TRPM6: variants seen among roughly 807,000 people sequenced by gnomAD.
The protein encoded by TRPM6 is channel kinase 2.
Under a neutral mutation model 247.6 loss-of-function variants are expected in TRPM6, and 111 were observed. That is an observed-to-expected ratio of 0.45 (90% CI 0.38 to 0.52). The LOEUF is 0.52. Ranked by LOEUF, TRPM6 falls within the 20% of genes least tolerant of loss-of-function variation. The pLI, the probability that TRPM6 is intolerant of heterozygous loss-of-function variation, is 0.00. For synonymous variants in TRPM6, 892 were observed against 853.8 expected, an observed-to-expected ratio of 1.04 and a Z score of -0.78; for missense variants, 2,126 against 2,421.5, an observed-to-expected ratio of 0.88 and a Z score of 2.56.
intron 1 of TRPM6, among the ~76,000 whole-genome samples, chr9:74,864,704 C>T (rs76218659): frequency 0.024 from 3,683 of 152,256 alleles, 147 homozygotes; most frequent in African/African-American, 0.081. Context: ...TTCCCTAAAA[C>T]GCCATTTCTC....
chr9:74,825,173 A>T (rs1280694595), intron 7 of TRPM6, among the ~76,000 whole-genome samples: 2 of 152,078 alleles, frequency 1.3e-5, no homozygotes, highest in Non-Finnish European at 2.9e-5. Flanking sequence ...GGGGCAGGAG[A>T]ATTGTTTGAA....
intron 14 of TRPM6, among the ~76,000 whole-genome samples, chr9:74,805,364 C>T (rs1269436415): frequency 6.6e-6 from 1 of 152,172 alleles, no homozygotes; most frequent in African/African-American, 2.4e-5. Context: ...AGAACGTTTA[C>T]CACTAGATAA....
At chr9:74,834,928 TTATA>T (rs1221007083) in intron 5 of TRPM6, among the ~76,000 whole-genome samples, 1 of 152,170 alleles carries the variant, frequency 6.6e-6, no homozygotes, top group Non-Finnish European at 1.5e-5. Flanking sequence ...GTAGCATGAT[TTATA>T]ATCCTTTGGG....
chr9:74,885,819 A>C (rs1415768097), intron 1 of TRPM6, among the ~76,000 whole-genome samples: 1 of 152,170 alleles, frequency 6.6e-6, no homozygotes, highest in African/African-American at 2.4e-5. Flanking sequence ...CAGGCCTGTA[A>C]TCTTGGCACT....
intron 3 of TRPM6, among the ~76,000 whole-genome samples, chr9:74,850,162 AGGCAT>A (rs1192468528): frequency 6.6e-6 from 1 of 151,272 alleles, no homozygotes; most frequent in African/African-American, 2.4e-5. Context: ...ACTTGAGGTC[AGGCAT>A]TCAAGACCAG....
At chr9:74,763,524 G>A (rs1683084176) in intron 25 of TRPM6, among the ~76,000 whole-genome samples, 2 of 151,460 alleles carry the variant, frequency 1.3e-5, no homozygotes, top group Admixed American at 6.6e-5. Flanking sequence ...AGCAAGCACC[G>A]TACAATTTTA....
intron 1 of TRPM6, among the ~76,000 whole-genome samples, chr9:74,870,848 C>T (rs1427486782): frequency 1.3e-5 from 2 of 151,708 alleles, no homozygotes; most frequent in African/African-American, 2.4e-5. Flanking sequence ...TGCTTGAATT[C>T]GGGAGGCTTG....
At chr9:74,767,409 T>C (rs1026645698) in intron 25 of TRPM6, among the ~76,000 whole-genome samples, 1 of 152,210 alleles carries the variant, frequency 6.6e-6, no homozygotes, top group Non-Finnish European at 1.5e-5. Flanking sequence ...TGCTATGTTC[T>C]CTTTTTCCAC....
chr9:74,887,839 G>C lies in TRPM6; in HGVS notation c.18C>G (p.Val6=), dbSNP rs778651330. 1 of 1,614,138 alleles carries C rather than the reference G, an allele frequency of 6.2e-7. No individual in the cohort carries two copies. The highest frequency in any genetic ancestry group is 1.1e-5 in the South Asian group (1 of 91,080). Residue 6 remains valine, a synonymous_variant, in exon 1 of 39, where the codon GTC becomes GTG. Transcript: ENST00000360774. ...CTGAGCTTACCTGCAAGCGCTCCAAGACAGGTTGTTCTTTCATCTTTGATT... is the reference window on the plus strand; with the variant it reads ...CTGAGCTTACCTGCAAGCGCTCCAACACAGGTTGTTCTTTCATCTTTGATT... MKEQP[V]LERLQSQKSW... is the part of the protein sequence containing the mutation.
intron 5 of TRPM6, among the ~76,000 whole-genome samples, chr9:74,836,130 TC>T (rs569380021): frequency 7.8e-4 from 118 of 152,060 alleles, no homozygotes; most frequent in Non-Finnish European, 1.4e-3. Flanking sequence ...CTCATCCCTC[TC>T]CCCCCTCAGC....
chr9:74,882,065 G>C (rs1831382457), intron 1 of TRPM6, among the ~76,000 whole-genome samples: 1 of 152,052 alleles, frequency 6.6e-6, no homozygotes, highest in Admixed American at 6.6e-5. Flanking sequence ...ATGCATTAAA[G>C]ACATAAATGC....
chr9:74,766,444 G>A (rs891787815), intron 25 of TRPM6, among the ~76,000 whole-genome samples: 5 of 152,216 alleles, frequency 3.3e-5, no homozygotes, highest in Non-Finnish European at 5.9e-5. Context: ...CTTTAGGCAA[G>A]ATGCCTTAAA....
At position 74,808,074 on chromosome 9, in the gene TRPM6, T is replaced by C. The variant is rs1328209240; in HGVS notation, c.1598A>G (p.His533Arg). The change falls in exon 14 of 39, where the codon CAT (histidine) becomes CGT (arginine). Residue 533 changes from histidine to arginine, a missense_variant. Around this residue, in one of 3 missense-constraint regions of TRPM6, gnomAD observed 1,082 missense variants for 1,307.9 expected, o/e 0.83. Coordinates refer to ENST00000360774, the MANE Select transcript of TRPM6 (RefSeq NM_017662.5). The stretch of plus-strand genomic sequence containing the variant: ...GAGGTTGTTGTAGAGGGCTCTGAAA[T>C]GTTTTCTAGTGTAGTTGCTGCGATA... ...RAYRSNYTRK[H>R]FRALYNNLYR... The C allele has an allele frequency of 6.2e-7, 1 of 1,613,994 alleles. No homozygotes were observed. The highest frequency in any genetic ancestry group is 1.3e-5 in the African/African-American group (1 of 75,034).
chr9:74,824,648 G>A (rs1263111491), intron 7 of TRPM6, among the ~76,000 whole-genome samples: 1 of 151,948 alleles, frequency 6.6e-6, no homozygotes, highest in East Asian at 1.9e-4. Context: ...AGGTCCCAGG[G>A]TGAGGCAGGA....
chr9:74,762,646 C>G lies in TRPM6; in HGVS notation c.4025G>C (p.Gly1342Ala). Reference sequence around the variant, plus strand: ...ATTAGAGGGGACCAGAAGAAACTGGCCATACTTTGAGTGTGCTTGCCTGTT... The same window carrying G: ...ATTAGAGGGGACCAGAAGAAACTGGGCATACTTTGAGTGTGCTTGCCTGTT... ...SPNRQAHSKY[G>A]QFLLVPSNLK... Residue 1342 changes from glycine to alanine, a missense_variant, in exon 26 of 39, where the codon GGC becomes GCC. Around this residue, in one of 3 missense-constraint regions of TRPM6, gnomAD observed 717 missense variants for 715.9 expected, o/e 1.00. Transcript: ENST00000360774. The G allele has an allele frequency of 6.2e-7, 1 of 1,614,176 alleles. No homozygotes were observed. The highest frequency in any genetic ancestry group is 8.5e-7 in the Non-Finnish European group (1 of 1,180,030).
chr9:74,836,861 C>T (rs1298533380), intron 5 of TRPM6, among the ~76,000 whole-genome samples: 3 of 152,188 alleles, frequency 2.0e-5, no homozygotes, highest in Admixed American at 6.5e-5. Flanking sequence ...TTACTAATGC[C>T]GCTTCCTACC....
intron 3 of TRPM6, among the ~76,000 whole-genome samples, chr9:74,852,690 G>A (rs897988536): frequency 6.6e-6 from 1 of 152,186 alleles, no homozygotes; most frequent in African/African-American, 2.4e-5. Context: ...ACGGGGTTTC[G>A]CAGTGTTGGC....
Position 74,845,132 on chromosome 9 carries a change from A to G in TRPM6, c.153-2789T>C, listed in dbSNP as rs1278495469. On this transcript the variant is annotated intron_variant, in intron 3 of 38. Coordinates refer to ENST00000360774, the MANE Select transcript of TRPM6 (RefSeq NM_017662.5). ...TCATAACAGATACAATAATGATAAA[A>G]TAAAAAAGTTTGAAATATTGCGAGA... 2.6e-5 allele frequency among the ~76,000 whole-genome samples: 4 copies of G among 152,256 alleles called. No homozygotes were observed. In the East Asian group the frequency reaches 7.7e-4, roughly 29 times the overall value.
chr9:74,779,856 G>C (rs1244115183), intron 23 of TRPM6, among the ~76,000 whole-genome samples: 2 of 152,168 alleles, frequency 1.3e-5, no homozygotes, highest in African/African-American at 4.8e-5. Flanking sequence ...AATGGGTCAG[G>C]GGAAGACTAG....
Sources: gnomAD v4.1 joint callset for allele counts (sites outside exome capture counted in the v4.1 genomes callset) on GRCh38, gnomAD v4.1.1 for gene constraint, gnomAD v4.1.1 regional missense constraint, MANE v1.5 for transcripts, NCBI Gene and HGNC (gene_info 2026-07-23, HGNC 2026-07-21) for gene names.